SYNPO2: variants seen among roughly 807,000 people sequenced by gnomAD.
SYNPO2 encodes the protein synaptopodin 2, also known as synaptopodin-2.
In SYNPO2, 56 loss-of-function variants were observed where a neutral mutation model predicts 85.0. The ratio of observed to expected loss-of-function variants is 0.66; its 90% CI spans 0.53 to 0.82. SYNPO2 has a LOEUF of 0.82. Among genes scored for constraint, SYNPO2 ranks in the 40% least tolerant of loss-of-function variants. SYNPO2 has a pLI of 0.00. For synonymous variants in SYNPO2, 602 were observed against 591.1 expected, an observed-to-expected ratio of 1.02 and a Z score of -0.27; for missense variants, 1,575 against 1,534.2, an observed-to-expected ratio of 1.03 and a Z score of -0.44.
chr4:118,973,450 C>G (rs990839321), intron 1 of SYNPO2, among the ~76,000 whole-genome samples: 9 of 152,048 alleles, frequency 5.9e-5, no homozygotes, highest in Non-Finnish European at 1.0e-4. Flanking sequence ...TGATATGATA[C>G]TGGCAGTTTT....
Position 118,933,829 on chromosome 4 carries a change from G to GTTT in SYNPO2, c.105+44703_105+44705dup, listed in dbSNP as rs71595334. On this transcript the variant is annotated intron_variant, in intron 1 of 4. Coordinates refer to ENST00000307142, the MANE Select transcript of SYNPO2 (RefSeq NM_133477.3). ...ATAGCTGCTTTTTGCTGTTGTTGTT[G>GTTT]TTTTTTTTTTTTTTTTTGGACAGTA... 1.9e-4 allele frequency among the ~76,000 whole-genome samples: 19 copies of GTTT among 102,310 alleles called. 2 individuals are homozygous for GTTT. Among genetic ancestry groups the GTTT allele is most frequent in the East Asian group, 6.5e-4 (2 of 3,058 alleles). 67.1% of individuals were successfully genotyped at this position (102,310 alleles called of 152,430 possible).
chr4:118,952,733 C>T (rs564790835), intron 1 of SYNPO2, among the ~76,000 whole-genome samples: 2 of 152,062 alleles, frequency 1.3e-5, no homozygotes, highest in African/African-American at 4.8e-5. Context: ...CTAGATAGAA[C>T]AATTTAGCAC....
chr4:118,997,239 C>CAAAAAGAAAAAAAAAA (rs1736640832), intron 1 of SYNPO2, among the ~76,000 whole-genome samples: 1 of 65,238 alleles, frequency 1.5e-5, no homozygotes, highest in Non-Finnish European at 2.9e-5. Flanking sequence ...GACTCCGTCT[C>CAAAAAGAAAAAAAAAA]AAAAAAAAAA....
chr4:118,856,815 T>G (rs1731514815), intron 1 of SYNPO2, among the ~76,000 whole-genome samples: 1 of 152,116 alleles, frequency 6.6e-6, no homozygotes, highest in Non-Finnish European at 1.5e-5. Context: ...GGCCTATATT[T>G]TTAAAAATAG....
chr4:118,976,257 C>T (rs1325009944), intron 1 of SYNPO2, among the ~76,000 whole-genome samples: 1 of 151,994 alleles, frequency 6.6e-6, no homozygotes, highest in Non-Finnish European at 1.5e-5. Context: ...AGTGAAGCTG[C>T]AGACCTTTGC....
intron 1 of SYNPO2, among the ~76,000 whole-genome samples, chr4:118,973,520 C>A (rs918687245): frequency 1.3e-5 from 2 of 152,060 alleles, no homozygotes; most frequent in Non-Finnish European, 2.9e-5. Flanking sequence ...GGCTAACCAC[C>A]ATAAAAATTT....
intron 1 of SYNPO2, among the ~76,000 whole-genome samples, chr4:118,941,000 G>T (rs1734294913): frequency 6.6e-6 from 1 of 152,084 alleles, no homozygotes; most frequent in Admixed American, 6.5e-5. Flanking sequence ...AAAATCACTG[G>T]GACGTAATTT....
chr4:118,964,500 TA>T (rs34230396), intron 1 of SYNPO2, among the ~76,000 whole-genome samples: 24,221 of 145,292 alleles, frequency 0.17, 2,183 homozygotes, highest in East Asian at 0.29. Flanking sequence ...AAAAGTAAAT[TA>T]AAAAAAAAAA....
At chr4:118,855,037 A>G (rs188257397) in intron 1 of SYNPO2, among the ~76,000 whole-genome samples, 2 of 152,084 alleles carry the variant, frequency 1.3e-5, no homozygotes, top group East Asian at 3.8e-4. Flanking sequence ...GAGTGCCCAG[A>G]TTCAGCTAGT....
At chr4:118,918,200 T>C (rs1028472727) in intron 1 of SYNPO2, among the ~76,000 whole-genome samples, 6 of 152,196 alleles carry the variant, frequency 3.9e-5, no homozygotes, top group Admixed American at 3.3e-4. Context: ...TTTTAAACAA[T>C]GTTTGCCAAC....
Position 119,031,674 on chromosome 4 carries a change from C to T in SYNPO2, c.2899C>T (p.His967Tyr), listed in dbSNP as rs1384517780. The change falls in exon 4 of 5, where the codon CAC (histidine) becomes TAC (tyrosine). Residue 967 changes from histidine (H) to tyrosine (Y), a missense_variant. By Grantham distance (83) the His-to-Tyr change is moderately conservative. Coordinates refer to ENST00000307142, the MANE Select transcript of SYNPO2 (RefSeq NM_133477.3). ...KPLNALDVMK[H>Y]QPYQLNASLF... is the part of the protein sequence containing the mutation. ...CCTCAATGCATTAGATGTCATGAAG[C>T]ACCAACCGTATCAGCTCAATGCATC... 3 of 1,614,084 alleles carry T rather than the reference C, an allele frequency of 1.9e-6. No individual in the cohort carries two copies. The highest frequency in any genetic ancestry group is 1.6e-4 in the Middle Eastern group (1 of 6,084).
At chr4:118,977,533 C>T (rs1174787329) in intron 1 of SYNPO2, among the ~76,000 whole-genome samples, 1 of 152,244 alleles carries the variant, frequency 6.6e-6, no homozygotes, top group African/African-American at 2.4e-5. Flanking sequence ...CAAATGCCAC[C>T]AAAGTGGGAG....
intron 1 of SYNPO2, among the ~76,000 whole-genome samples, chr4:118,922,311 T>C (rs575575668): frequency 2.0e-5 from 3 of 152,206 alleles, no homozygotes; most frequent in Admixed American, 6.5e-5. Context: ...GTTATTTCTT[T>C]CCCTGAAGAA....
rs1342327941 is a variant in SYNPO2, at chr4:119,032,028, G to A, written c.3252+1G>A. On this transcript the variant is annotated splice_donor_variant, in intron 4 of 4. Coordinates refer to ENST00000307142, the MANE Select transcript of SYNPO2 (RefSeq NM_133477.3). LOFTEE classifies it high-confidence loss of function. ...CAAGAAAAGTGGTGTCACAATTCAGGTGTGGAAACCATCTGTTGTGGAAGA... is the reference window on the plus strand; with the variant it reads ...CAAGAAAAGTGGTGTCACAATTCAGATGTGGAAACCATCTGTTGTGGAAGA... The A allele has an allele frequency of 1.9e-6, 3 of 1,613,910 alleles. No homozygotes were observed. The highest frequency in any genetic ancestry group is 1.6e-4 in the Middle Eastern group (1 of 6,062).
chr4:119,052,553 T>C (rs1739087405), intron 4 of SYNPO2, among the ~76,000 whole-genome samples: 1 of 152,054 alleles, frequency 6.6e-6, no homozygotes, highest in South Asian at 2.1e-4. Flanking sequence ...ATTCTACTCC[T>C]TTTTTTCCTC....
Position 119,027,357 on chromosome 4 carries a change from T to A in SYNPO2, c.988T>A (p.Ser330Thr), listed in dbSNP as rs200870694. ...TTCTCTGGTATCCTTTGCCGTCTCA[T>A]CAGAAGGCACAGAGCAGGGAGAAGA... ...PPSLVSFAVSSEGTEQGEDPR... is the reference protein window; with the variant it reads ...PPSLVSFAVSTEGTEQGEDPR... The change falls in exon 3 of 5, where the codon TCA becomes ACA. Residue 330 changes from serine to threonine, a missense_variant. Around this residue, in one of 3 missense-constraint regions of SYNPO2, gnomAD observed 1,508 missense variants for 1,446.8 expected, o/e 1.04. Coordinates refer to ENST00000307142, the MANE Select transcript of SYNPO2 (RefSeq NM_133477.3). The A allele has an allele frequency of 6.8e-6, 11 of 1,613,830 alleles. No individual in the cohort carries two copies. The highest frequency in any genetic ancestry group is 9.3e-6 in the Non-Finnish European group (11 of 1,180,018).
chr4:119,034,217 A>C (rs1738404491), intron 4 of SYNPO2: 2 of 985,370 alleles, frequency 2.0e-6, no homozygotes, highest in Admixed American at 6.1e-5. Flanking sequence ...AGGAAAAAAG[A>C]TCATTTTTAT....
Position 119,059,991 on chromosome 4 carries a change from T to A in SYNPO2, c.*2057T>A, listed in dbSNP as rs1421387866. 2 of 152,196 alleles carry A rather than the reference T, an allele frequency of 1.3e-5. No homozygotes were observed. The highest frequency in any genetic ancestry group is 2.9e-5 in the Non-Finnish European group (2 of 68,022). The allele number at this position is 152,196 out of a possible 1,614,324, so 9.4% of individuals were successfully genotyped here. On this transcript the variant is annotated 3_prime_UTR_variant, in exon 5 of 5. Coordinates refer to ENST00000307142, the MANE Select transcript of SYNPO2 (RefSeq NM_133477.3). The stretch of plus-strand genomic sequence containing the variant: ...AATCCCCCACATAAAAGCCTTACTT[T>A]GTTCAAAATTTATTATAGTGGTTTA...
At chr4:119,054,772 G>A (rs760572424) in intron 4 of SYNPO2, among the ~76,000 whole-genome samples, 39 of 152,196 alleles carry the variant, frequency 2.6e-4, no homozygotes, top group Non-Finnish European at 5.3e-4. Context: ...TGGGCAAACA[G>A]GAATAGAAGT....
Sources: allele counts gnomAD v4.1 joint callset (sites outside exome capture counted in the v4.1 genomes callset), GRCh38; gene constraint gnomAD v4.1.1; regional missense constraint gnomAD v4.1.1; transcripts MANE v1.5; gene names NCBI Gene and HGNC (gene_info 2026-07-23, HGNC 2026-07-21).